PER2: variants seen among roughly 807,000 people sequenced by gnomAD.
PER2 encodes the protein period circadian regulator 2.
A neutral mutation model predicts 121.0 loss-of-function variants in PER2; 66 were observed. The observed-to-expected ratio is 0.55, with a 90% CI of 0.45 to 0.67. The LOEUF is 0.67. Among genes scored for constraint, PER2 ranks in the 30% least tolerant of loss-of-function variants. PER2 has a pLI of 0.00. For missense variants in PER2, 1,521 were observed against 1,635.0 expected, an observed-to-expected ratio of 0.93 and a Z score of 1.20; for synonymous variants, 684 against 659.9, an observed-to-expected ratio of 1.04 and a Z score of -0.56.
intron 18 of PER2, chr2:238,254,396 G>C (rs1271205841): frequency 6.5e-6 from 1 of 153,582 alleles, no homozygotes; most frequent in Non-Finnish European, 1.4e-5. Context: ...GAGTGACTTG[G>C]GGCTCTTGCA....
chr2:238,288,785 G>A (rs1244701409), upstream of PER2, among the ~76,000 whole-genome samples: 2 of 151,672 alleles, frequency 1.3e-5, no homozygotes, highest in Admixed American at 1.3e-4. Flanking sequence ...CCGAGTCGCC[G>A]CTGTCACATA....
At chr2:238,257,940 G>C (rs1290260732) in intron 16 of PER2, among the ~76,000 whole-genome samples, 2 of 152,274 alleles carry the variant, frequency 1.3e-5, no homozygotes, top group Non-Finnish European at 2.9e-5. Context: ...CTTGAGACCA[G>C]TGTGGCTGCA....
chr2:238,299,399 AG>A, the PER2 span: 1 of 142,356 alleles, frequency 7.0e-6, no homozygotes, highest in African/African-American at 2.7e-5. Context: ...AAAGCTAGCC[AG>A]GCGTGGTAGT....
upstream of PER2, among the ~76,000 whole-genome samples, chr2:238,292,243 C>T (rs1430584637): frequency 3.3e-5 from 5 of 152,194 alleles, no homozygotes; most frequent in African/African-American, 9.7e-5. Flanking sequence ...AAATATAGAT[C>T]CAGGGAGGCT....
chr2:238,256,396 T>C (rs886909995), intron 17 of PER2, among the ~76,000 whole-genome samples: 1 of 152,238 alleles, frequency 6.6e-6, no homozygotes, highest in Non-Finnish European at 1.5e-5. Flanking sequence ...TTTTTCCTTA[T>C]CATTTCCCTC....
chr2:238,246,429 G>C lies in PER2; in HGVS notation c.3714C>G (p.Thr1238=). The change falls in exon 23 of 23, where the codon ACC becomes ACG. Residue 1238 remains threonine (T), a synonymous_variant. Coordinates refer to ENST00000254657, the MANE Select transcript of PER2 (RefSeq NM_022817.3). ...PSLGLSEVSD[T]KEDENGSPLN... is the part of the protein sequence containing the mutation. ...AGGGGGATCCATTTTCGTCTTCTTT[G>C]GTGTCCGACACTTCGCTGAGTCCCA... 5.0e-6 allele frequency: 8 copies of C among 1,612,514 alleles called. 1 individual carries two copies. The South Asian group carries it at 8.8e-5, about 18-fold the overall frequency.
chr2:238,246,791 G>C, intron 22 of PER2, among the ~76,000 whole-genome samples: 1 of 152,216 alleles, frequency 6.6e-6, no homozygotes, highest in Non-Finnish European at 1.5e-5. Context: ...CAGAAGAATC[G>C]CTTGAACCCT....
intron 12 of PER2, 71 bp from the exon 13 acceptor site, chr2:238,261,024 C>T: frequency 3.2e-6 from 5 of 1,566,470 alleles, no homozygotes; most frequent in Middle Eastern, 1.9e-4. Flanking sequence ...CCCCTGCCAA[C>T]ACACCCTGTT....
chr2:238,273,140 C>G lies in PER2; in HGVS notation c.500G>C (p.Gly167Ala). 2 of 1,613,828 alleles carry G rather than the reference C, an allele frequency of 1.2e-6. No individual in the cohort carries two copies. Reference sequence around the variant, plus strand: ...CACGGTGTAGGAGGGCACGTCTGCTCCACAGGGGTGACCCTCGCTGGACAT... The same window carrying G: ...CACGGTGTAGGAGGGCACGTCTGCTGCACAGGGGTGACCCTCGCTGGACAT... Reference protein sequence around the residue: ...LLMSSEGHPCGADVPSYTVEE... With the variant: ...LLMSSEGHPCAADVPSYTVEE... Residue 167 changes from glycine (G) to alanine (A), a missense_variant, in exon 5 of 23, where the codon GGA becomes GCA. Physicochemically the swap from Gly to Ala is moderately conservative, Grantham distance 60. Transcript: ENST00000254657.
Position 238,246,287 on chromosome 2 carries a change from T to G in PER2, c.*88A>C, listed in dbSNP as rs573824197. 1 of 994,308 alleles carries G rather than the reference T, an allele frequency of 1.0e-6. No homozygotes were observed. The highest frequency in any genetic ancestry group is 2.6e-5 in the East Asian group (1 of 38,360). The allele number at this position is 994,308 out of a possible 1,614,324, so 61.6% of individuals were successfully genotyped here. A position where few individuals can be genotyped will look rare whatever the true frequency, so the allele number is the denominator to read the frequency against. On this transcript the variant is annotated 3_prime_UTR_variant, in exon 23 of 23. Coordinates refer to ENST00000254657, the MANE Select transcript of PER2 (RefSeq NM_022817.3). ...AGCAACATGAGCATATGTGTCCATT[T>G]CAGTGGAAACAGCCATGAAGATCTT... is the stretch of plus-strand genomic sequence containing the variant.
Position 238,249,130 on chromosome 2 carries a change from T to A in PER2, c.3550A>T (p.Lys1184Ter), listed in dbSNP as rs2106363296. The A allele has an allele frequency of 6.2e-7, 1 of 1,614,196 alleles. No homozygotes were observed. The highest frequency in any genetic ancestry group is 1.1e-5 in the South Asian group (1 of 91,092). Reference sequence around the variant, plus strand: ...TGGTGGACCTCGCGCAGCTCCTGCTTCTGACTCTCCGTGAACCTGGGCTGG... The same window carrying A: ...TGGTGGACCTCGCGCAGCTCCTGCTACTGACTCTCCGTGAACCTGGGCTGG... ...KLQPRFTESQ[K>*]QELREVHQWM... The change falls in exon 22 of 23, where the codon AAG becomes TAG. Residue 1184 changes from lysine (K) to a stop codon, truncating the protein, a stop_gained. Coordinates refer to ENST00000254657, the MANE Select transcript of PER2 (RefSeq NM_022817.3). LOFTEE classifies it high-confidence loss of function.
In PER2 at chr2:238,268,009, G is replaced by A. The variant is rs140494030; in HGVS notation, c.967+47C>T. The stretch of plus-strand genomic sequence containing the variant: ...TGTGTGAACCACAGGAGTAACTGAG[G>A]GGGAGCCAGAGACAACATCTGCCCT... On this transcript the variant is annotated intron_variant, in intron 8 of 22. Coordinates refer to ENST00000254657, the MANE Select transcript of PER2 (RefSeq NM_022817.3). The surrounding 1 kb of genome is among the most constrained non-coding windows in gnomAD (Gnocchi z 4.0). The A allele has an allele frequency of 7.5e-6, 12 of 1,606,340 alleles. No individual in the cohort carries two copies. The East Asian group carries it at 2.2e-4, about 30-fold the overall frequency.
At chr2:238,267,996 A>G (rs1696160052) in intron 8 of PER2, 60 bp downstream of exon 8, 2 of 1,588,374 alleles carry the variant, frequency 1.3e-6, no homozygotes, top group Non-Finnish European at 1.7e-6. Flanking sequence ...TGTGAACCAC[A>G]GGAGTAACTG....
At chr2:238,287,586 G>A (rs1469901431) in intron 1 of PER2, among the ~76,000 whole-genome samples, 1 of 152,222 alleles carries the variant, frequency 6.6e-6, no homozygotes, top group Non-Finnish European at 1.5e-5. Context: ...CACGCAAGTG[G>A]AGGCCATCAC....
intron 20 of PER2, 89 bp from the exon 21 acceptor site, chr2:238,250,832 G>C: frequency 1.1e-6 from 1 of 926,426 alleles, no homozygotes; most frequent in Non-Finnish European, 1.7e-6. Context: ...AGAATGATTT[G>C]AGAGAGCCCA....
intron 12 of PER2, among the ~76,000 whole-genome samples, chr2:238,261,216 T>C (rs1364136670): frequency 6.6e-6 from 1 of 152,244 alleles, no homozygotes; most frequent in Non-Finnish European, 1.5e-5. Flanking sequence ...CATCAACGCA[T>C]GGCTGCAGCC....
Position 238,245,466 on chromosome 2 carries a change from T to C in PER2, c.*909A>G. 1 of 397,856 alleles carries C rather than the reference T, an allele frequency of 2.5e-6. No homozygotes were observed. Among genetic ancestry groups the C allele is most frequent in the Non-Finnish European group, 4.4e-6 (1 of 225,734 alleles). The allele number at this position is 397,856 out of a possible 1,614,324, so 24.6% of individuals were successfully genotyped here. On this transcript the variant is annotated 3_prime_UTR_variant, in exon 23 of 23. Coordinates refer to ENST00000254657, the MANE Select transcript of PER2 (RefSeq NM_022817.3). ...TCGGCCAGGAGATGTGATGTGGGCT[T>C]GGCTGGGTGGAAGCAGATGTCTGGG...
chr2:238,251,789 G>T lies in PER2; in HGVS notation c.3112-28C>A, dbSNP rs773127096. 3 of 1,149,762 alleles carry T rather than the reference G, an allele frequency of 2.6e-6. No individual in the cohort carries two copies. In the South Asian group the frequency reaches 3.6e-5, roughly 14 times the overall value. 71.2% of individuals were successfully genotyped at this position (1,149,762 alleles called of 1,614,324 possible). On this transcript the variant is annotated intron_variant, in intron 19 of 22. Coordinates refer to ENST00000254657, the MANE Select transcript of PER2 (RefSeq NM_022817.3). ...TTAGGGACAGGAAGCAGATACTGCT[G>T]TTCAGGGGCTCAGTCAGGACACAGC...
At chr2:238,255,583 G>C in intron 18 of PER2, 74 bp downstream of exon 18, 1 of 1,458,528 alleles carries the variant, frequency 6.9e-7, no homozygotes, top group Non-Finnish European at 9.6e-7. Context: ...TTCACATTTT[G>C]AAACCAGCAC....
Sources: allele counts gnomAD v4.1 joint callset (sites outside exome capture counted in the v4.1 genomes callset), GRCh38; gene constraint gnomAD v4.1.1; non-coding constraint Gnocchi (gnomAD v3.1); transcripts MANE v1.5; gene names NCBI Gene and HGNC (gene_info 2026-07-23, HGNC 2026-07-21).